The following XRN1 variants were observed in gnomAD, a reference collection of about 807,000 sequenced individuals.
The protein encoded by XRN1 is strand-exchange protein 1 homolog.
A neutral mutation model predicts 222.3 loss-of-function variants in XRN1; 67 were observed. That is an observed-to-expected ratio of 0.30 (90% confidence interval 0.25 to 0.37). XRN1 has a LOEUF of 0.37. XRN1 is among the 10% of genes least tolerant of loss of function. The pLI is 1.00. For missense variants in XRN1, 1,707 were observed against 2,000.2 expected (o/e 0.85, Z 2.80); for synonymous variants, 643 against 652.4 (o/e 0.99, Z 0.22).
intron 27 of XRN1, among the ~76,000 whole-genome samples, chr3:142,367,574 C>T (rs1409566095): frequency 1.3e-5 from 2 of 151,718 alleles, no homozygotes; most frequent in Non-Finnish European, 2.9e-5. Context: ...GAGACAAGGT[C>T]TTCCTCTGTC....
intron 2 of XRN1, among the ~76,000 whole-genome samples, chr3:142,431,897 ATATAT>A (rs1221138603): frequency 3.6e-5 from 1 of 27,778 alleles, no homozygotes; most frequent in Non-Finnish European, 6.1e-5. Context: ...TATATAATAT[ATATAT>A]TATATATATA....
intron 32 of XRN1, among the ~76,000 whole-genome samples, chr3:142,353,912 G>A (rs1007897506): frequency 2.0e-5 from 3 of 151,964 alleles, no homozygotes; most frequent in East Asian, 1.9e-4. Flanking sequence ...GAAAATATTC[G>A]CAAACTGTGC....
intron 20 of XRN1, among the ~76,000 whole-genome samples, chr3:142,387,445 ATATACT>A (rs943709182): frequency 2.6e-5 from 4 of 152,098 alleles, no homozygotes; most frequent in Non-Finnish European, 5.9e-5. Flanking sequence ...TCATCAAGTA[ATATACT>A]TATGATTAAT....
chr3:142,364,365 G>A (rs2066752358), intron 29 of XRN1, among the ~76,000 whole-genome samples: 1 of 152,122 alleles, frequency 6.6e-6, no homozygotes, highest in African/African-American at 2.4e-5. Context: ...ATGCTATAAA[G>A]CTGGTTATTC....
In XRN1 at chr3:142,447,544, C is replaced by T. The variant is rs531144476; in HGVS notation, c.75+326G>A. ...GCAGCCTCTGTAAGGAAAAAGGCAA[C>T]TTGCAGCTCCCCGGGAGGAAACCGG... On this transcript the variant is annotated intron_variant, in intron 1 of 40. Transcript: ENST00000392981. This position sits in a 1 kb window ranked among gnomAD's most constrained non-coding sequence, Gnocchi z 4.2. Among the ~76,000 whole-genome samples, 9 of 152,316 alleles carry T rather than the reference C, an allele frequency of 5.9e-5. No individual in the cohort carries two copies. Among genetic ancestry groups the T allele is most frequent in the African/African-American group, 2.2e-4 (9 of 41,566 alleles).
intron 11 of XRN1, 47 bp from the exon 12 acceptor site, chr3:142,418,656 C>T (rs1333944731): frequency 6.7e-7 from 1 of 1,500,802 alleles, no homozygotes; most frequent in East Asian, 2.3e-5. Flanking sequence ...TATGAATAGC[C>T]TGTTTTTCCA....
chr3:142,407,112 T>G (rs2068371860), intron 15 of XRN1, among the ~76,000 whole-genome samples: 1 of 152,226 alleles, frequency 6.6e-6, no homozygotes, highest in South Asian at 2.1e-4. Context: ...ATTTGGTCTT[T>G]GGCATCCTTA....
At chr3:142,421,648 C>G (rs1473937882) in intron 8 of XRN1, 105 bp from the exon 9 acceptor site, 14 of 762,138 alleles carry the variant, frequency 1.8e-5, no homozygotes, top group Non-Finnish European at 2.6e-5. Context: ...TTCTACAGTA[C>G]TAATCAAGAA....
chr3:142,369,421 TG>T (rs1296250693), intron 27 of XRN1, among the ~76,000 whole-genome samples: 2 of 150,326 alleles, frequency 1.3e-5, no homozygotes, highest in Non-Finnish European at 1.5e-5. Context: ...CTGAGGCAGG[TG>T]GATCACCTGA....
intron 1 of XRN1, among the ~76,000 whole-genome samples, chr3:142,440,178 G>A (rs535098680): frequency 1.4e-4 from 22 of 152,182 alleles, no homozygotes; most frequent in African/African-American, 5.3e-4. Context: ...CTCCTGTCCT[G>A]GACAACTGTC....
intron 32 of XRN1, among the ~76,000 whole-genome samples, chr3:142,352,073 A>G (rs2066325040): frequency 6.6e-6 from 1 of 151,992 alleles, no homozygotes; most frequent in African/African-American, 2.4e-5. Flanking sequence ...CTATCATTCT[A>G]CTCCTCCTCA....
chr3:142,367,541 A>C (rs1177863016), intron 27 of XRN1, among the ~76,000 whole-genome samples: 1 of 150,918 alleles, frequency 6.6e-6, no homozygotes, highest in Admixed American at 6.6e-5. Flanking sequence ...AAGAAAACTG[A>C]CTCTTTTTTT....
At position 142,328,291 on chromosome 3, in the gene XRN1, T is replaced by A. The variant is rs147113648; in HGVS notation, c.4404+1143A>T. 9.2e-5 allele frequency among the ~76,000 whole-genome samples: 14 copies of A among 152,322 alleles called. No individual in the cohort carries two copies. In the East Asian group the frequency reaches 2.3e-3, roughly 25 times the overall value. On this transcript the variant is annotated intron_variant, in intron 37 of 40. Transcript: ENST00000392981. ...GATTTATTGCTATAATCTTCCCTCC[T>A]AGTACTACTTTTGCCGTATCCTACA...
At chr3:142,433,307 G>T (rs943866708) in intron 1 of XRN1, among the ~76,000 whole-genome samples, 5 of 152,256 alleles carry the variant, frequency 3.3e-5, no homozygotes, top group African/African-American at 1.2e-4. Flanking sequence ...TTTGTACATG[G>T]TTACTGAAAC....
At chr3:142,417,107 G>C in intron 13 of XRN1, 33 bp downstream of exon 13, 1 of 1,501,650 alleles carries the variant, frequency 6.7e-7, no homozygotes, top group Non-Finnish European at 9.1e-7. Flanking sequence ...ATTATAAAAA[G>C]ACAAAACTTT....
chr3:142,317,155 G>A (rs1038897966), intron 39 of XRN1, among the ~76,000 whole-genome samples: 1 of 152,106 alleles, frequency 6.6e-6, no homozygotes. Flanking sequence ...CTAGTATTCA[G>A]AATCTGAAGA....
At chr3:142,330,966 G>A (rs1482607613) in intron 36 of XRN1, among the ~76,000 whole-genome samples, 1 of 152,054 alleles carries the variant, frequency 6.6e-6, no homozygotes, top group African/African-American at 2.4e-5. Context: ...GGTGGCGCCT[G>A]CCACCACACC....
chr3:142,392,842 T>C (rs952305241), intron 20 of XRN1, among the ~76,000 whole-genome samples: 61 of 151,940 alleles, frequency 4.0e-4, no homozygotes, highest in Non-Finnish European at 7.1e-4. Context: ...ATATACCCCG[T>C]AATGGGATGG....
chr3:142,401,608 C>T (rs944804650), intron 18 of XRN1, among the ~76,000 whole-genome samples: 1 of 151,986 alleles, frequency 6.6e-6, no homozygotes, highest in African/African-American at 2.4e-5. Context: ...ATTCCAGCCA[C>T]TCGGGAGGCT....
Sources: gnomAD v4.1 joint callset for allele counts (sites outside exome capture counted in the v4.1 genomes callset) on GRCh38, gnomAD v4.1.1 for gene constraint, Gnocchi (gnomAD v3.1) non-coding constraint, MANE v1.5 for transcripts, NCBI Gene and HGNC (gene_info 2026-07-23, HGNC 2026-07-21) for gene names.